KIAA1958: variants seen among roughly 807,000 people sequenced by gnomAD.
KIAA1958 encodes KIAA1958, also known as uncharacterized protein KIAA1958.
In KIAA1958, 14 loss-of-function variants were observed where a neutral mutation model predicts 47.2. The observed-to-expected ratio is 0.30, with a 90% CI of 0.20 to 0.46. The LOEUF (loss-of-function observed/expected upper bound fraction) is 0.46, where lower values mean the gene tolerates loss of function less well. KIAA1958 is among the 20% of genes least tolerant of loss of function. KIAA1958 has a pLI of 1.00. For missense variants in KIAA1958, 803 were observed against 909.2 expected (o/e 0.88, Z 1.50); for synonymous variants, 354 against 353.3 (o/e 1.00, Z -0.02).
At chr9:112,516,957 T>C (rs1834447043) in intron 1 of KIAA1958, among the ~76,000 whole-genome samples, 1 of 152,330 alleles carries the variant, frequency 6.6e-6, no homozygotes, top group South Asian at 2.1e-4. Flanking sequence ...TGGTTACAAC[T>C]CCGTGTTTGC....
At chr9:112,543,226 G>GTTGTTTGTTTGTTTGT (rs61382078) in intron 1 of KIAA1958, among the ~76,000 whole-genome samples, 11 of 151,006 alleles carry the variant, frequency 7.3e-5, no homozygotes, top group African/African-American at 1.7e-4. Flanking sequence ...TTTTGTTGTT[G>GTTGTTTGTTTGTTTGT]TTGTTTGTTT....
At position 112,618,794 on chromosome 9, in the gene KIAA1958, A is replaced by C; in HGVS notation, c.1172-26856A>C. On this transcript the variant is annotated intron_variant, in intron 2 of 3. Transcript: ENST00000337530. The surrounding 1 kb of genome is among the most constrained non-coding windows in gnomAD (Gnocchi z 7.1). Reference sequence around the variant, plus strand: ...CAGCACCTTGTCTGAGGCCCAGAGCAACCAGCTCGTGCTGATCTGTAACAA... The same window carrying C: ...CAGCACCTTGTCTGAGGCCCAGAGCCACCAGCTCGTGCTGATCTGTAACAA... 1 of 1,550,666 alleles carries C rather than the reference A, an allele frequency of 6.4e-7. No homozygotes were observed. The highest frequency in any genetic ancestry group is 8.7e-7 in the Non-Finnish European group (1 of 1,147,012).
chr9:112,522,127 A>T (rs1025957411), intron 1 of KIAA1958, among the ~76,000 whole-genome samples: 2 of 152,050 alleles, frequency 1.3e-5, no homozygotes, highest in African/African-American at 4.8e-5. Flanking sequence ...ATGTGCCACC[A>T]TGCCCAGCTA....
At chr9:112,594,171 G>A (rs1453696221) in intron 2 of KIAA1958, among the ~76,000 whole-genome samples, 1 of 152,182 alleles carries the variant, frequency 6.6e-6, no homozygotes, top group Non-Finnish European at 1.5e-5. Context: ...AGCCAAGGGA[G>A]ACTTTTAAAT....
intron 1 of KIAA1958, among the ~76,000 whole-genome samples, chr9:112,527,601 G>A (rs756738867): frequency 6.6e-6 from 1 of 152,088 alleles, no homozygotes; most frequent in Non-Finnish European, 1.5e-5. Flanking sequence ...TCTGTGCTGG[G>A]GGGAATTGTT....
At chr9:112,619,186 C>A in intron 2 of KIAA1958, 1 of 177,542 alleles carries the variant, frequency 5.6e-6, no homozygotes, top group Non-Finnish European at 1.1e-5. Flanking sequence ...GGTTCTCAGG[C>A]AACACAAAGT....
At position 112,667,657 on chromosome 9, in the gene KIAA1958, A is replaced by G. The variant is rs534745890; in HGVS notation, c.*7588A>G. 1.2e-4 allele frequency: 18 copies of G among 152,290 alleles called. No homozygotes were observed. Among genetic ancestry groups the G allele is most frequent in the African/African-American group, 4.3e-4 (18 of 41,562 alleles). The allele number at this position is 152,290 out of a possible 1,614,324, so 9.4% of individuals were successfully genotyped here. A position where few individuals can be genotyped will look rare whatever the true frequency, so the allele number is the denominator to read the frequency against. On this transcript the variant is annotated 3_prime_UTR_variant, in exon 4 of 4. Transcript: ENST00000337530. The stretch of plus-strand genomic sequence containing the variant: ...CTTCAGACTTCTGCTCTATAGCACC[A>G]AATGCCAGGAAACAATAGAGAATTG...
At chr9:112,610,681 G>T (rs891274744) in intron 2 of KIAA1958, among the ~76,000 whole-genome samples, 8 of 152,122 alleles carry the variant, frequency 5.3e-5, no homozygotes, top group Non-Finnish European at 1.0e-4. Context: ...CATACAGAGA[G>T]CATCAGACCT....
At chr9:112,561,924 G>GAT (rs918592753) in intron 1 of KIAA1958, among the ~76,000 whole-genome samples, 4 of 152,224 alleles carry the variant, frequency 2.6e-5, no homozygotes, top group Admixed American at 6.5e-5. Context: ...CTGCAGAATA[G>GAT]ATCATATAGT....
intron 2 of KIAA1958, among the ~76,000 whole-genome samples, chr9:112,636,312 A>G (rs1325709884): frequency 1.3e-5 from 2 of 151,954 alleles, no homozygotes; most frequent in African/African-American, 4.8e-5. Context: ...CAGCATTTCT[A>G]TGTTGGTAAA....
intron 2 of KIAA1958, among the ~76,000 whole-genome samples, chr9:112,637,378 TTTTTA>T (rs1262830459): frequency 6.6e-6 from 1 of 152,132 alleles, no homozygotes; most frequent in Non-Finnish European, 1.5e-5. Flanking sequence ...TTTACCTTTA[TTTTTA>T]TTTTATTTTA....
chr9:112,606,155 T>A (rs1836230647), intron 2 of KIAA1958, among the ~76,000 whole-genome samples: 1 of 152,150 alleles, frequency 6.6e-6, no homozygotes, highest in South Asian at 2.1e-4. Flanking sequence ...TCAAGGATGG[T>A]GTGCAGGTTT....
chr9:112,626,322 C>T (rs1163666618), intron 2 of KIAA1958, among the ~76,000 whole-genome samples: 1 of 152,084 alleles, frequency 6.6e-6, no homozygotes, highest in Non-Finnish European at 1.5e-5. Flanking sequence ...TTTACCAGAT[C>T]ATAGTTGAAA....
chr9:112,627,551 C>G lies in KIAA1958; in HGVS notation c.1172-18099C>G, dbSNP rs1432408216. Among the ~76,000 whole-genome samples the G allele has an allele frequency of 3.3e-5, 5 of 152,192 alleles. No homozygotes were observed. In the East Asian group the frequency reaches 5.8e-4, roughly 18 times the overall value. On this transcript the variant is annotated intron_variant, in intron 2 of 3. Transcript: ENST00000337530. The stretch of plus-strand genomic sequence containing the variant: ...GGCGGATCACCTGAGATCAGGAGTT[C>G]GAGGCCAGCCTGGCCAACATGACGA...
intron 2 of KIAA1958, among the ~76,000 whole-genome samples, chr9:112,626,730 A>G (rs1836619859): frequency 6.6e-6 from 1 of 152,070 alleles, no homozygotes; most frequent in African/African-American, 2.4e-5. Context: ...ACTTTATCTA[A>G]CTGAACTTTT....
chr9:112,526,128 C>A (rs77281174), intron 1 of KIAA1958, among the ~76,000 whole-genome samples: 1,961 of 7,996 alleles, frequency 0.25, 25 homozygotes, highest in Non-Finnish European at 0.32. Context: ...CCATACCCGG[C>A]CTTTATGTTC....
intron 2 of KIAA1958, among the ~76,000 whole-genome samples, chr9:112,624,528 T>C (rs181391850): frequency 6.6e-6 from 1 of 152,198 alleles, no homozygotes; most frequent in Non-Finnish European, 1.5e-5. Flanking sequence ...TCTAGTGATA[T>C]AACAACAGAA....
At chr9:112,550,875 G>A (rs2132837946) in intron 1 of KIAA1958, among the ~76,000 whole-genome samples, 1 of 152,282 alleles carries the variant, frequency 6.6e-6, no homozygotes, top group South Asian at 2.1e-4. Flanking sequence ...GACAGGTACA[G>A]TGTGGCTCAA....
chr9:112,507,119 A>G (rs961132494), intron 1 of KIAA1958, among the ~76,000 whole-genome samples: 2 of 137,166 alleles, frequency 1.5e-5, no homozygotes, highest in African/African-American at 2.8e-5. Context: ...GAGGCCATAC[A>G]TTTACAGAGA....
Sources: gnomAD v4.1 joint callset for allele counts (sites outside exome capture counted in the v4.1 genomes callset) on GRCh38, gnomAD v4.1.1 for gene constraint, Gnocchi (gnomAD v3.1) non-coding constraint, MANE v1.5 for transcripts, NCBI Gene and HGNC (gene_info 2026-07-23, HGNC 2026-07-21) for gene names.